Variants in SEPTIN9 observed in about 807,000 individuals in gnomAD.
SEPTIN9 encodes the protein septin-9.
A neutral mutation model predicts 56.6 loss-of-function variants in SEPTIN9; 13 were observed. That is an observed-to-expected ratio of 0.23 (90% CI 0.15 to 0.37). The LOEUF is 0.37. Ranked by LOEUF, SEPTIN9 falls within the 10% of genes least tolerant of loss-of-function variation. The probability of loss-of-function intolerance (pLI) is 1.00; values close to 1 mark genes in which losing one functional copy is unlikely to be tolerated. For synonymous variants in SEPTIN9, 332 were observed against 334.1 expected (o/e 0.99, Z 0.07); for missense variants, 650 against 823.1 (o/e 0.79, Z 2.57).
rs905225929 is a variant in SEPTIN9, at chr17:77,445,717, A to C, written c.722-36427A>C. ...GGCTGAGTTGGAGGTGGGAGTCCCAACTGTCCCCTGTGGCTTCCAGAGTGG... is the reference window on the plus strand; with the variant it reads ...GGCTGAGTTGGAGGTGGGAGTCCCACCTGTCCCCTGTGGCTTCCAGAGTGG... On this transcript the variant is annotated intron_variant, in intron 3 of 11. Transcript: ENST00000427177. The surrounding 1 kb of genome is among the most constrained non-coding windows in gnomAD (Gnocchi z 4.7). 14 of 314,756 alleles carry C rather than the reference A, an allele frequency of 4.4e-5. No individual in the cohort carries two copies. Among genetic ancestry groups the C allele is most frequent in the South Asian group, 3.8e-4 (14 of 36,528 alleles). The allele number at this position is 314,756 out of a possible 1,614,324, so 19.5% of individuals were successfully genotyped here.
At chr17:77,359,341 G>A (rs897599445) in intron 2 of SEPTIN9, among the ~76,000 whole-genome samples, 3 of 152,262 alleles carry the variant, frequency 2.0e-5, no homozygotes, top group African/African-American at 7.2e-5. Flanking sequence ...CAGGCCCTAT[G>A]CCAGGGAGAA....
rs978247892 is a variant in SEPTIN9 at position 77,313,287 on chromosome 17, G to A, written c.76+6090G>A. Reference sequence around the variant, plus strand: ...ACAGCCCAGATGGTTGGCTGAGCACGAGCATGTGAGAGTGGAATTGGGCCC... The same window carrying A: ...ACAGCCCAGATGGTTGGCTGAGCACAAGCATGTGAGAGTGGAATTGGGCCC... On this transcript the variant is annotated intron_variant, in intron 2 of 11. Coordinates refer to ENST00000427177, the MANE Select transcript of SEPTIN9 (RefSeq NM_001113491.2). The surrounding 1 kb of genome is among the most constrained non-coding windows in gnomAD (Gnocchi z 4.5). 5.3e-5 allele frequency among the ~76,000 whole-genome samples: 8 copies of A among 152,220 alleles called. No homozygotes were observed. The highest frequency in any genetic ancestry group is 1.9e-4 in the African/African-American group (8 of 41,460).
chr17:77,458,420 C>T (rs975801104), intron 3 of SEPTIN9, among the ~76,000 whole-genome samples: 6 of 152,244 alleles, frequency 3.9e-5, no homozygotes, highest in Non-Finnish European at 5.9e-5. Flanking sequence ...GGCTCTAAAA[C>T]CTCAGCGAGG....
At chr17:77,305,224 A>G (rs2143584879) in intron 1 of SEPTIN9, among the ~76,000 whole-genome samples, 1 of 152,208 alleles carries the variant, frequency 6.6e-6, no homozygotes, top group East Asian at 1.9e-4. Context: ...GGGTGAGGTC[A>G]CGGACATGGC....
intron 11 of SEPTIN9, chr17:77,497,604 G>A: frequency 3.4e-6 from 2 of 591,726 alleles, no homozygotes; most frequent in South Asian, 3.8e-5. Context: ...TGGATGGGAA[G>A]GCTGAGCTTT....
In SEPTIN9 at chr17:77,292,865, G is replaced by C. The variant is rs796789676; in HGVS notation, c.19+11311G>C. Reference sequence around the variant, plus strand: ...TTTTTGACCACTGGTCTCGCTCCACGTGATCTGTGATCTTCCCCTTGGCCC... The same window carrying C: ...TTTTTGACCACTGGTCTCGCTCCACCTGATCTGTGATCTTCCCCTTGGCCC... On this transcript the variant is annotated intron_variant, in intron 1 of 11. Coordinates refer to ENST00000427177, the MANE Select transcript of SEPTIN9 (RefSeq NM_001113491.2). 3.9e-5 allele frequency among the ~76,000 whole-genome samples: 6 copies of C among 152,110 alleles called. 1 individual carries two copies. In the South Asian group the frequency reaches 1.0e-3, roughly 26 times the overall value.
intron 4 of SEPTIN9, 169 bp downstream of exon 4, chr17:77,482,504 A>G (rs1055059063): frequency 1.3e-6 from 1 of 750,826 alleles, no homozygotes; most frequent in African/African-American, 1.7e-5. Flanking sequence ...TGCGCCTGGG[A>G]GGAGCCCACA....
chr17:77,296,274 C>G (rs188303100), intron 1 of SEPTIN9, among the ~76,000 whole-genome samples: 1 of 152,280 alleles, frequency 6.6e-6, no homozygotes, highest in East Asian at 1.9e-4. Context: ...TGGATGGCAG[C>G]CTGAGCTTAC....
rs1443726840 is a variant in SEPTIN9, at chr17:77,429,549, T to G, written c.721+26846T>G. ...CAAGGCTGGTTCCTGTTTTCTGGGC[T>G]TTGATCGAAAGGGAACAGGGGACAC... On this transcript the variant is annotated intron_variant, in intron 3 of 11. Transcript: ENST00000427177. The surrounding 1 kb of genome is among the most constrained non-coding windows in gnomAD (Gnocchi z 5.2). Among the ~76,000 whole-genome samples, 1 of 152,154 alleles carries G rather than the reference T, an allele frequency of 6.6e-6. No homozygotes were observed. The highest frequency in any genetic ancestry group is 1.5e-5 in the Non-Finnish European group (1 of 68,022).
At chr17:77,444,894 A>C in intron 3 of SEPTIN9, 1 of 344,572 alleles carries the variant, frequency 2.9e-6, no homozygotes, top group Non-Finnish European at 6.0e-6. Context: ...ACAGGGAGAA[A>C]GTTCACAGTT....
rs1024205675 is a variant in SEPTIN9 at position 77,371,937 on chromosome 17, C to T, written c.77-30122C>T. On this transcript the variant is annotated intron_variant, in intron 2 of 11. Coordinates refer to ENST00000427177, the MANE Select transcript of SEPTIN9 (RefSeq NM_001113491.2). This position sits in a 1 kb window ranked among gnomAD's most constrained non-coding sequence, Gnocchi z 4.1. ...AACCTAGAACATTTTCCGCAAGAGACCCCCTGCCCCCCGCCTCTCCAGAAT... is the reference window on the plus strand; with the variant it reads ...AACCTAGAACATTTTCCGCAAGAGATCCCCTGCCCCCCGCCTCTCCAGAAT... 1.3e-5 allele frequency among the ~76,000 whole-genome samples: 2 copies of T among 152,148 alleles called. No individual in the cohort carries two copies. The highest frequency in any genetic ancestry group is 2.1e-4 in the South Asian group (1 of 4,826).
At chr17:77,420,974 G>T (rs556621172) in intron 3 of SEPTIN9, among the ~76,000 whole-genome samples, 1 of 152,326 alleles carries the variant, frequency 6.6e-6, no homozygotes, top group South Asian at 2.1e-4. Context: ...CTTGCCTGAG[G>T]CCCCCACAGT....
At position 77,450,887 on chromosome 17, in the gene SEPTIN9, GCT is replaced by G. The variant is rs982473979; in HGVS notation, c.722-31256_722-31255del. 2.4e-6 allele frequency: 2 copies of G among 844,022 alleles called. No homozygotes were observed. Among genetic ancestry groups the G allele is most frequent in the African/African-American group, 3.7e-5 (2 of 54,462 alleles). 52.3% of individuals were successfully genotyped at this position (844,022 alleles called of 1,614,324 possible). On this transcript the variant is annotated intron_variant, in intron 3 of 11. Transcript: ENST00000427177. The surrounding 1 kb of genome is among the most constrained non-coding windows in gnomAD (Gnocchi z 6.0). ...GGGGTAGAGGGGACAAACCCAGGTGGCTGTGTTCCAGCCCTGGCTGCAGGTCT... is the reference window on the plus strand; with the variant it reads ...GGGGTAGAGGGGACAAACCCAGGTGGGTGTTCCAGCCCTGGCTGCAGGTCT...
chr17:77,335,093 A>T (rs1261195394), intron 2 of SEPTIN9, among the ~76,000 whole-genome samples: 1 of 147,014 alleles, frequency 6.8e-6, no homozygotes, highest in African/African-American at 2.5e-5. Context: ...TCAGCCCTAT[A>T]TTGACTGTAT....
At position 77,461,266 on chromosome 17, in the gene SEPTIN9, A is replaced by G. The variant is rs150529098; in HGVS notation, c.722-20878A>G. 6.7e-3 allele frequency among the ~76,000 whole-genome samples: 1,016 copies of G among 152,238 alleles called. 4 individuals are homozygous for G. Among genetic ancestry groups the G allele is most frequent in the Non-Finnish European group, 0.011 (729 of 68,024 alleles). ...GGTTGCAGTGAGCCGAGATCACACC[A>G]CTGCACTCCAGCCTGGACGACAGAG... On this transcript the variant is annotated intron_variant, in intron 3 of 11. Transcript: ENST00000427177.
At chr17:77,488,459 G>A (rs540098017) in intron 6 of SEPTIN9, 138 bp downstream of exon 6, 44 of 877,970 alleles carry the variant, frequency 5.0e-5, no homozygotes, top group Middle Eastern at 2.9e-4. Context: ...TGCCAAAGCC[G>A]CACGTCTCAG....
At chr17:77,372,322 T>G (rs2034746501) in intron 2 of SEPTIN9, among the ~76,000 whole-genome samples, 1 of 152,188 alleles carries the variant, frequency 6.6e-6, no homozygotes, top group South Asian at 2.1e-4. Context: ...GATGAGAGCC[T>G]GTTGCTTCTC....
chr17:77,370,717 A>G (rs75520158), intron 2 of SEPTIN9, among the ~76,000 whole-genome samples: 209 of 152,276 alleles, frequency 1.4e-3, no homozygotes, highest in African/African-American at 5.0e-3. Flanking sequence ...GCCGGCGTGC[A>G]TCTTCTCTGC....
chr17:77,447,826 T>C (rs2037799881), intron 3 of SEPTIN9, among the ~76,000 whole-genome samples: 1 of 152,192 alleles, frequency 6.6e-6, no homozygotes, highest in Non-Finnish European at 1.5e-5. Context: ...GGTTTCACCA[T>C]GTTGGTCAGG....
Sources: allele counts gnomAD v4.1 joint callset (sites outside exome capture counted in the v4.1 genomes callset), GRCh38; gene constraint gnomAD v4.1.1; non-coding constraint Gnocchi (gnomAD v3.1); transcripts MANE v1.5; gene names NCBI Gene and HGNC (gene_info 2026-07-23, HGNC 2026-07-21).